FOXN3: variants seen among roughly 807,000 people sequenced by gnomAD.
The protein encoded by FOXN3 is forkhead box N3, also known as forkhead box protein N3.
In FOXN3, 7 loss-of-function variants were observed where a neutral mutation model predicts 38.4. The ratio of observed to expected loss-of-function variants is 0.18; its 90% confidence interval spans 0.10 to 0.34. FOXN3 has a LOEUF of 0.34. Among genes scored for constraint, FOXN3 ranks in the 10% least tolerant of loss-of-function variants. FOXN3 has a pLI of 1.00. For synonymous variants in FOXN3, 230 were observed against 242.2 expected, an observed-to-expected ratio of 0.95 and a Z score of 0.47; for missense variants, 456 against 613.4, an observed-to-expected ratio of 0.74 and a Z score of 2.71.
At chr14:89,334,804 G>A (rs1271026553) in intron 3 of FOXN3, among the ~76,000 whole-genome samples, 1 of 151,718 alleles carries the variant, frequency 6.6e-6, no homozygotes, top group Non-Finnish European at 1.5e-5. Flanking sequence ...ATCTTGCTCC[G>A]TCACCCAGGC....
chr14:89,261,555 AG>A (rs1209736283), intron 4 of FOXN3, among the ~76,000 whole-genome samples: 1 of 152,128 alleles, frequency 6.6e-6, no homozygotes, highest in Non-Finnish European at 1.5e-5. Flanking sequence ...GCACTTTGGG[AG>A]GCTGAGGTGG....
intron 3 of FOXN3, among the ~76,000 whole-genome samples, chr14:89,341,138 G>A (rs1395530078): frequency 1.3e-5 from 2 of 152,176 alleles, no homozygotes; most frequent in Non-Finnish European, 2.9e-5. Context: ...GACCCTGGCA[G>A]CTGGTTGTCT....
intron 1 of FOXN3, among the ~76,000 whole-genome samples, chr14:89,571,193 G>A (rs879686917): frequency 6.6e-6 from 1 of 152,010 alleles, no homozygotes; most frequent in Non-Finnish European, 1.5e-5. Context: ...TTCCTAGAGG[G>A]AGAGAGAGTG....
At chr14:89,417,643 T>C, upstream of FOXN3, 1 of 455,188 alleles carries the variant, frequency 2.2e-6, no homozygotes, top group Middle Eastern at 3.6e-4. Flanking sequence ...CTGCATGCCT[T>C]ACATGGCTCG....
intron 1 of FOXN3, among the ~76,000 whole-genome samples, chr14:89,489,981 T>G (rs1340774156): frequency 1.3e-5 from 2 of 152,258 alleles, no homozygotes; most frequent in Non-Finnish European, 2.9e-5. Context: ...CTGATACAAC[T>G]GCAGGCAGGA....
chr14:89,526,868 A>G lies in FOXN3; in HGVS notation c.-15+92160T>C, dbSNP rs538554994. 9.2e-5 allele frequency among the ~76,000 whole-genome samples: 14 copies of G among 152,366 alleles called. No homozygotes were observed. In the East Asian group the frequency reaches 2.7e-3, roughly 29 times the overall value. ...CTTATAACACTATAATGATCAAGAC[A>G]ATGTGCTATTGGCAACAAGACAGAC... On this transcript the variant is annotated intron_variant, in intron 1 of 6. Transcript: ENST00000345097.
At chr14:89,323,331 C>A in intron 3 of FOXN3, among the ~76,000 whole-genome samples, 1 of 147,966 alleles carries the variant, frequency 6.8e-6, no homozygotes, top group African/African-American at 2.5e-5. Context: ...GAAAGAATGA[C>A]AGTGGGGCAC....
intron 1 of FOXN3, among the ~76,000 whole-genome samples, chr14:89,468,282 C>T (rs368072584): frequency 8.6e-5 from 13 of 152,006 alleles, no homozygotes; most frequent in East Asian, 1.9e-4. Context: ...GGTGAAACCC[C>T]GTCTCTACTG....
At chr14:89,413,978 G>A (rs1891621554) in intron 1 of FOXN3, among the ~76,000 whole-genome samples, 1 of 149,234 alleles carries the variant, frequency 6.7e-6, no homozygotes, top group Non-Finnish European at 1.5e-5. Context: ...AGGAGGAGGA[G>A]GAGGAGGAGA....
chr14:89,315,411 TC>T lies in FOXN3; in HGVS notation c.681-34398del, dbSNP rs529918134. Among the ~76,000 whole-genome samples the T allele has an allele frequency of 4.6e-5, 7 of 152,168 alleles. No individual in the cohort carries two copies. The South Asian group carries it at 1.5e-3, about 32-fold the overall frequency. On this transcript the variant is annotated intron_variant, in intron 3 of 5. Transcript: ENST00000557258. ...CGAGGATGAAGCCAGGCGTCAATAG[TC>T]CATCAGCTCACCCTTCCACTTGCAC...
chr14:89,505,220 C>T (rs1037629016), intron 1 of FOXN3, among the ~76,000 whole-genome samples: 2 of 152,080 alleles, frequency 1.3e-5, no homozygotes, highest in Admixed American at 6.5e-5. Context: ...GGTTGCCTAA[C>T]GCTACACAGC....
chr14:89,303,189 C>A (rs1887272321), intron 3 of FOXN3, among the ~76,000 whole-genome samples: 3 of 152,244 alleles, frequency 2.0e-5, no homozygotes, highest in Middle Eastern at 3.4e-3. Flanking sequence ...CTTGGAGACA[C>A]CAGAGCGCCT....
intron 3 of FOXN3, among the ~76,000 whole-genome samples, chr14:89,297,358 C>T (rs978194757): frequency 7.9e-5 from 12 of 151,660 alleles, no homozygotes; most frequent in Non-Finnish European, 1.6e-4. Context: ...GTCAGGAGAT[C>T]GAGACCATCC....
At position 89,584,107 on chromosome 14, in the gene FOXN3, C is replaced by T. The variant is rs187794026; in HGVS notation, c.-15+34921G>A. ...ACTCTTTACTCAAGGAATCTGCCTGCCTCGGCCTCTCAAAGTGCTGGGATT... is the reference window on the plus strand; with the variant it reads ...ACTCTTTACTCAAGGAATCTGCCTGTCTCGGCCTCTCAAAGTGCTGGGATT... On this transcript the variant is annotated intron_variant, in intron 1 of 6. Coordinates refer to the FOXN3 transcript ENST00000345097. Among the ~76,000 whole-genome samples, 131 of 151,576 alleles carry T rather than the reference C, an allele frequency of 8.6e-4. 1 individual carries two copies. The highest frequency in any genetic ancestry group is 2.6e-4 in the Admixed American group (4 of 15,224).
intron 1 of FOXN3, among the ~76,000 whole-genome samples, chr14:89,442,642 A>T (rs1380373670): frequency 2.6e-5 from 4 of 151,940 alleles, no homozygotes; most frequent in African/African-American, 9.7e-5. Context: ...TGTCCCCAAC[A>T]TGTCTCCCTT....
At chr14:89,223,898 A>G (rs1326442198) in intron 4 of FOXN3, among the ~76,000 whole-genome samples, 2 of 152,382 alleles carry the variant, frequency 1.3e-5, no homozygotes, top group East Asian at 3.9e-4. Flanking sequence ...ATGCAGATCA[A>G]CATATCGATG....
In FOXN3 at chr14:89,411,947, T is replaced by C; in HGVS notation, c.530A>G (p.Lys177Arg). ...ACAGAGGCTTACCTGACTCCTCTCTTTGTCCACTTTCTTAAAACACTTATT... is the reference window on the plus strand; with the variant it reads ...ACAGAGGCTTACCTGACTCCTCTCTCTGTCCACTTTCTTAAAACACTTATT... ...SLNKCFKKVD[K>R]ERSQSIGKGS... Residue 177 changes from lysine (K) to arginine (R), a missense_variant, in exon 2 of 6, where the codon AAA (lysine) becomes AGA (arginine). Lys to Arg is a conservative substitution (Grantham distance 26). This residue lies in a region of FOXN3 where 386 missense variants were observed against 505.2 expected (regional missense o/e 0.76). Coordinates refer to ENST00000557258, the MANE Select transcript of FOXN3 (RefSeq NM_005197.4). The C allele has an allele frequency of 1.3e-6, 2 of 1,504,656 alleles. No homozygotes were observed. Among genetic ancestry groups the C allele is most frequent in the East Asian group, 2.3e-5 (1 of 43,586 alleles). 93.2% of individuals were successfully genotyped at this position (1,504,656 alleles called of 1,614,324 possible).
chr14:89,322,388 G>T (rs913398537), intron 3 of FOXN3, among the ~76,000 whole-genome samples: 1 of 152,174 alleles, frequency 6.6e-6, no homozygotes, highest in Non-Finnish European at 1.5e-5. Flanking sequence ...AAAGTTGGGG[G>T]CATGAAGGGG....
intron 1 of FOXN3, among the ~76,000 whole-genome samples, chr14:89,578,779 C>T (rs1194334631): frequency 6.6e-6 from 1 of 152,168 alleles, no homozygotes; most frequent in East Asian, 1.9e-4. Flanking sequence ...CTTCTTCTCT[C>T]CTAGACACTG....
Sources: gnomAD v4.1 joint callset for allele counts (sites outside exome capture counted in the v4.1 genomes callset) on GRCh38, gnomAD v4.1.1 for gene constraint, gnomAD v4.1.1 regional missense constraint, MANE v1.5 for transcripts, NCBI Gene and HGNC (gene_info 2026-07-23, HGNC 2026-07-21) for gene names.